Variants in CNTN6 observed in about 807,000 individuals in gnomAD.
CNTN6 encodes contactin 6.
Under a neutral mutation model 122.8 loss-of-function variants are expected in CNTN6, and 137 were observed. The ratio of observed to expected loss-of-function variants is 1.12; its 90% CI spans 0.97 to 1.29. The LOEUF is 1.29. Ranked by LOEUF, CNTN6 falls within the 50% of genes most tolerant of loss-of-function variation. The pLI is 0.00. For missense variants in CNTN6, 1,634 were observed against 1,223.4 expected (o/e 1.34, Z -5.01); for synonymous variants, 570 against 426.0 (o/e 1.34, Z -4.16).
intron 12 of CNTN6, among the ~76,000 whole-genome samples, chr3:1,361,462 T>G (rs1237267008): frequency 6.6e-6 from 1 of 152,138 alleles, no homozygotes; most frequent in African/African-American, 2.4e-5. Context: ...GCAATACTAA[T>G]TAAATGGTTT....
chr3:1,128,087 C>T (rs1271778385), intron 1 of CNTN6, among the ~76,000 whole-genome samples: 1 of 151,944 alleles, frequency 6.6e-6, no homozygotes, highest in African/African-American at 2.4e-5. Flanking sequence ...GAAGCTCCCA[C>T]CTTGAGCTGG....
chr3:1,257,625 C>T (rs2094780874), intron 4 of CNTN6, among the ~76,000 whole-genome samples: 1 of 152,036 alleles, frequency 6.6e-6, no homozygotes, highest in Non-Finnish European at 1.5e-5. Context: ...ACTTCAAATC[C>T]AAGAGGTTTT....
At position 1,118,875 on chromosome 3, in the gene CNTN6, A is replaced by ACAAT. The variant is rs1241562981; in HGVS notation, c.-83+25758_-83+25759insTCAA. Among the ~76,000 whole-genome samples, 12 of 152,230 alleles carry ACAAT rather than the reference A, an allele frequency of 7.9e-5. No homozygotes were observed. The East Asian group carries it at 2.3e-3, about 29-fold the overall frequency. On this transcript the variant is annotated intron_variant, in intron 1 of 22. Coordinates refer to ENST00000446702, the MANE Select transcript of CNTN6 (RefSeq NM_001289080.2). ...TACCTCTTAAAAAAAAAAAAAACAAACAAAACAAAACAAAAAAACACCATT... is the reference window on the plus strand; with the variant it reads ...TACCTCTTAAAAAAAAAAAAAACAAACAATCAAAACAAAACAAAAAAACACCATT...
intron 2 of CNTN6, among the ~76,000 whole-genome samples, chr3:1,164,707 C>T (rs1364038441): frequency 1.3e-5 from 2 of 152,152 alleles, no homozygotes; most frequent in African/African-American, 4.8e-5. Flanking sequence ...TTGTCTCTTC[C>T]TCTGTATTGT....
Position 1,258,234 on chromosome 3 carries a change from A to G in CNTN6, c.359-20179A>G, listed in dbSNP as rs111428047. On this transcript the variant is annotated intron_variant, in intron 4 of 22. Coordinates refer to ENST00000446702, the MANE Select transcript of CNTN6 (RefSeq NM_001289080.2). ...AGTTCTTTTATTTGTAGTGTGGGTG[A>G]AGTTCCTTTTATCTCCTCTACTTTC... Among the ~76,000 whole-genome samples, 41 of 152,264 alleles carry G rather than the reference A, an allele frequency of 2.7e-4. No individual in the cohort carries two copies. The Middle Eastern group carries it at 0.01, about 38-fold the overall frequency.
At chr3:1,211,175 T>C (rs912931044) in intron 2 of CNTN6, among the ~76,000 whole-genome samples, 8 of 152,312 alleles carry the variant, frequency 5.3e-5, no homozygotes, top group African/African-American at 1.4e-4. Context: ...TGGGGAAATA[T>C]ATTGGGAGCA....
intron 1 of CNTN6, among the ~76,000 whole-genome samples, chr3:1,095,638 ACCCT>A (rs965585228): frequency 6.6e-5 from 10 of 152,380 alleles, no homozygotes; most frequent in African/African-American, 2.4e-4. Context: ...CCAGAATAAT[ACCCT>A]TACAGTTAAG....
intron 2 of CNTN6, among the ~76,000 whole-genome samples, chr3:1,217,145 T>C (rs985031681): frequency 3.9e-5 from 6 of 152,238 alleles, no homozygotes; most frequent in African/African-American, 9.6e-5. Context: ...TTAAATCCCC[T>C]GAGGCCCATT....
intron 4 of CNTN6, among the ~76,000 whole-genome samples, chr3:1,257,199 C>T (rs1389302692): frequency 6.6e-6 from 1 of 151,942 alleles, no homozygotes; most frequent in Non-Finnish European, 1.5e-5. Context: ...GGGTCTTTGC[C>T]TAGTTTTCTG....
intron 12 of CNTN6, among the ~76,000 whole-genome samples, chr3:1,367,578 C>T (rs1708415356): frequency 6.6e-6 from 1 of 151,850 alleles, no homozygotes; most frequent in Admixed American, 6.6e-5. Context: ...TTATTTGTAA[C>T]CTGTGTGTGC....
intron 8 of CNTN6, among the ~76,000 whole-genome samples, chr3:1,324,246 G>T (rs958486555): frequency 6.7e-6 from 1 of 149,140 alleles, no homozygotes; most frequent in South Asian, 2.1e-4. Context: ...CTCGTTTGTA[G>T]TCTCATTGAA....
intron 9 of CNTN6, among the ~76,000 whole-genome samples, chr3:1,326,695 C>A (rs1278870727): frequency 1.3e-5 from 2 of 151,818 alleles, no homozygotes; most frequent in Non-Finnish European, 2.9e-5. Flanking sequence ...GTAGGCATAG[C>A]CAGAGACACA....
chr3:1,372,123 A>C (rs1215488575), intron 12 of CNTN6, among the ~76,000 whole-genome samples, 176 bp from the exon 13 acceptor site: 3 of 152,214 alleles, frequency 2.0e-5, no homozygotes, highest in Admixed American at 1.3e-4. Context: ...ATAAGCTACA[A>C]TAATAAATAC....
At chr3:1,377,378 T>A (rs1710028227) in intron 17 of CNTN6, among the ~76,000 whole-genome samples, 1 of 152,154 alleles carries the variant, frequency 6.6e-6, no homozygotes, top group African/African-American at 2.4e-5. Context: ...TTTGATTTGT[T>A]ACCTGTGGCA....
chr3:1,284,249 A>T (rs1693968171), intron 5 of CNTN6, among the ~76,000 whole-genome samples: 1 of 152,204 alleles, frequency 6.6e-6, no homozygotes, highest in African/African-American at 2.4e-5. Context: ...TTAAATTAAA[A>T]GTCATTCCAA....
chr3:1,388,418 C>CCAT (rs1693512680), intron 20 of CNTN6, among the ~76,000 whole-genome samples: 1 of 150,892 alleles, frequency 6.6e-6, no homozygotes, highest in South Asian at 2.1e-4. Flanking sequence ...CTGTACATCA[C>CCAT]CATCATCAAA....
chr3:1,204,504 T>C (rs1300607249), intron 2 of CNTN6, among the ~76,000 whole-genome samples: 2 of 152,174 alleles, frequency 1.3e-5, no homozygotes, highest in Non-Finnish European at 2.9e-5. Flanking sequence ...TAATCCAAAC[T>C]GAAATACATA....
chr3:1,367,959 C>T (rs1195475801), intron 12 of CNTN6, among the ~76,000 whole-genome samples: 1 of 152,202 alleles, frequency 6.6e-6, no homozygotes, highest in Non-Finnish European at 1.5e-5. Context: ...ATTAACTCTC[C>T]ATCCTGAGCA....
chr3:1,271,128 T>C (rs918004030), intron 4 of CNTN6, among the ~76,000 whole-genome samples: 3 of 152,210 alleles, frequency 2.0e-5, no homozygotes, highest in Admixed American at 6.5e-5. Flanking sequence ...TCCGCCCACC[T>C]TGGTGTCCCA....
Sources: allele counts gnomAD v4.1 joint callset (sites outside exome capture counted in the v4.1 genomes callset), GRCh38; gene constraint gnomAD v4.1.1; transcripts MANE v1.5; gene names NCBI Gene and HGNC (gene_info 2026-07-23, HGNC 2026-07-21).